FOXP2: variants seen among roughly 807,000 people sequenced by gnomAD.
FOXP2 encodes the protein forkhead box protein P2.
FOXP2 carries 12 observed loss-of-function variants against 115.8 expected under a neutral mutation model. That is an observed-to-expected ratio of 0.10 (90% CI 0.07 to 0.17). FOXP2 has a LOEUF of 0.17. Ranked by LOEUF, FOXP2 falls within the 10% of genes least tolerant of loss-of-function variation. The pLI, the probability that FOXP2 is intolerant of heterozygous loss-of-function variation, is 1.00. For missense variants in FOXP2, 629 were observed against 843.5 expected (o/e 0.75, Z 3.15); for synonymous variants, 328 against 297.7 (o/e 1.10, Z -1.05).
chr7:114,630,763 G>A (rs958106444), intron 5 of FOXP2: 2 of 152,842 alleles, frequency 1.3e-5, no homozygotes, highest in African/African-American at 2.4e-5. Context: ...TATTTCTCCC[G>A]AGGCTTTGGG....
At chr7:114,479,834 A>G (rs17312686) in intron 2 of FOXP2, among the ~76,000 whole-genome samples, 18,296 of 151,436 alleles carry the variant, frequency 0.12, 1,406 homozygotes, top group South Asian at 0.19. Flanking sequence ...GCAATTTACC[A>G]ATTGTTAACT....
At position 114,169,385 on chromosome 7, in the gene FOXP2, G is replaced by C. The variant is rs149305282; in HGVS notation, c.-102+6297G>C. Among the ~76,000 whole-genome samples the C allele has an allele frequency of 2.7e-3, 408 of 152,348 alleles. 4 individuals carry two copies. The highest frequency in any genetic ancestry group is 9.5e-3 in the African/African-American group (394 of 41,576). ...GGATGTGAGACCTGGAGTTAAAGGA[G>C]ATCATTTTGGAGCTTTAAGATTTGA... On this transcript the variant is annotated intron_variant, in intron 1 of 17. Coordinates refer to the FOXP2 transcript ENST00000634411.
chr7:114,644,598 T>C, intron 7 of FOXP2, 87 bp from the exon 8 acceptor site: 2 of 1,087,644 alleles, frequency 1.8e-6, no homozygotes, highest in Non-Finnish European at 2.8e-6. Flanking sequence ...GACCTGTTTG[T>C]CACTGATCGT....
chr7:114,090,971 A>G (rs998680173), intron 1 of FOXP2, among the ~76,000 whole-genome samples: 4 of 151,682 alleles, frequency 2.6e-5, no homozygotes, highest in Non-Finnish European at 4.4e-5. Flanking sequence ...AAATGCCATC[A>G]CTTTTTTTTA....
At chr7:114,268,215 C>T (rs1354108987) in intron 1 of FOXP2, among the ~76,000 whole-genome samples, 1 of 151,986 alleles carries the variant, frequency 6.6e-6, no homozygotes, top group African/African-American at 2.4e-5. Context: ...TCCATTTATC[C>T]TCTGTGGACA....
intron 1 of FOXP2, among the ~76,000 whole-genome samples, chr7:114,100,156 A>G (rs1799745824): frequency 6.6e-6 from 1 of 152,188 alleles, no homozygotes; most frequent in Non-Finnish European, 1.5e-5. Flanking sequence ...GGAATCAACC[A>G]TTATTTTTAG....
At chr7:114,458,562 T>TC (rs1562938765) in intron 2 of FOXP2, among the ~76,000 whole-genome samples, 1 of 148,760 alleles carries the variant, frequency 6.7e-6, no homozygotes, top group East Asian at 2.0e-4. Context: ...TTTTTTTTTT[T>TC]TTTGAGACAG....
chr7:114,660,099 C>G (rs1227406730), intron 13 of FOXP2, among the ~76,000 whole-genome samples: 1 of 152,180 alleles, frequency 6.6e-6, no homozygotes. Context: ...ATCATACAGA[C>G]TGAAGCTGCC....
intron 5 of FOXP2, chr7:114,630,740 G>A (rs1334850885): frequency 2.6e-5 from 4 of 153,140 alleles, no homozygotes; most frequent in African/African-American, 9.7e-5. Flanking sequence ...CTACAGAATA[G>A]AAATTGCTCC....
intron 2 of FOXP2, among the ~76,000 whole-genome samples, chr7:114,330,226 TA>T (rs1387905520): frequency 6.6e-6 from 1 of 152,142 alleles, no homozygotes; most frequent in African/African-American, 2.4e-5. Flanking sequence ...AATGGCTATT[TA>T]TGCATCTACT....
At chr7:114,280,973 G>A (rs916605727) in intron 1 of FOXP2, among the ~76,000 whole-genome samples, 9 of 151,830 alleles carry the variant, frequency 5.9e-5, no homozygotes, top group African/African-American at 1.9e-4. Flanking sequence ...CTGTCCTTAA[G>A]CATAGTCAAC....
At chr7:114,516,605 G>A (rs1174755210) in intron 2 of FOXP2, among the ~76,000 whole-genome samples, 1 of 151,622 alleles carries the variant, frequency 6.6e-6, no homozygotes, top group Non-Finnish European at 1.5e-5. Context: ...CATAATAGCT[G>A]TGCCAATTTA....
At chr7:114,409,155 T>G (rs1455646503) in intron 2 of FOXP2, among the ~76,000 whole-genome samples, 1 of 152,192 alleles carries the variant, frequency 6.6e-6, no homozygotes, top group African/African-American at 2.4e-5. Context: ...TTAGTCTTTT[T>G]GGCAAATAAT....
chr7:114,653,225 C>A (rs1280799487), intron 9 of FOXP2: 3 of 153,952 alleles, frequency 1.9e-5, no homozygotes, highest in Non-Finnish European at 4.4e-5. Flanking sequence ...TTTTATAAAC[C>A]TGTTTACCAT....
chr7:114,411,298 T>G (rs1793156867), upstream of FOXP2, among the ~76,000 whole-genome samples: 1 of 152,148 alleles, frequency 6.6e-6, no homozygotes, highest in Non-Finnish European at 1.5e-5. Context: ...TGTATTAAAA[T>G]GCTGATTAAA....
upstream of FOXP2, among the ~76,000 whole-genome samples, chr7:114,411,050 A>G (rs976885587): frequency 1.3e-5 from 2 of 152,142 alleles, no homozygotes; most frequent in Non-Finnish European, 2.9e-5. Context: ...GATAAAATGC[A>G]TACATAAATG....
At chr7:114,490,054 C>G (rs1656652006) in intron 2 of FOXP2, among the ~76,000 whole-genome samples, 1 of 152,086 alleles carries the variant, frequency 6.6e-6, no homozygotes, top group African/African-American at 2.4e-5. Context: ...TCTATATGAT[C>G]AGCAATTGTG....
chr7:114,602,453 A>G (rs1005029556), intron 3 of FOXP2, among the ~76,000 whole-genome samples: 1 of 152,106 alleles, frequency 6.6e-6, no homozygotes, highest in Non-Finnish European at 1.5e-5. Context: ...CTTTTAAGTA[A>G]CATTTTTACT....
chr7:114,401,320 G>A (rs1792882113), intron 2 of FOXP2, among the ~76,000 whole-genome samples: 1 of 152,112 alleles, frequency 6.6e-6, no homozygotes, highest in Admixed American at 6.5e-5. Flanking sequence ...ATATTTAGAT[G>A]CATATCCTTC....
Sources: allele counts gnomAD v4.1 joint callset (sites outside exome capture counted in the v4.1 genomes callset), GRCh38; gene constraint gnomAD v4.1.1; transcripts MANE v1.5; gene names NCBI Gene and HGNC (gene_info 2026-07-23, HGNC 2026-07-21).